NIPBL: variants seen among roughly 807,000 people sequenced by gnomAD.
NIPBL encodes the protein NIPBL cohesin loading factor.
Under a neutral mutation model 321.8 loss-of-function variants are expected in NIPBL, and 19 were observed. The ratio of observed to expected loss-of-function variants is 0.06; its 90% CI spans 0.04 to 0.09. NIPBL has a LOEUF of 0.09. NIPBL is among the 10% of genes least tolerant of loss of function. The probability of loss-of-function intolerance (pLI) is 1.00; values close to 1 mark genes in which losing one functional copy is unlikely to be tolerated. For synonymous variants in NIPBL, 1,106 were observed against 1,114.1 expected (o/e 0.99, Z 0.14); for missense variants, 2,210 against 3,327.0 (o/e 0.66, Z 8.26).
intron 10 of NIPBL, among the ~76,000 whole-genome samples, chr5:36,986,859 T>C (rs948740926): frequency 6.6e-6 from 1 of 152,132 alleles, no homozygotes; most frequent in Non-Finnish European, 1.5e-5. Flanking sequence ...CTTTTTAAAT[T>C]TGGTTAAATT....
Position 37,058,997 on chromosome 5 carries a change from G to C in NIPBL, c.7517G>C (p.Arg2506Pro). Residue 2506 changes from arginine to proline, a missense_variant, in exon 44 of 47, where the codon CGT becomes CCT. Arg to Pro is a moderately radical substitution (Grantham distance 103). Coordinates refer to ENST00000282516, the MANE Select transcript of NIPBL (RefSeq NM_133433.4). ...TCCAGGCCTCGGAAGTCACGGAAAC[G>C]TGTAGATTCAGATTCAGATTCAGAT... ...EVSRPRKSRK[R>P]VDSDSDSDSE... is the part of the protein sequence containing the mutation. 6.2e-7 allele frequency: 1 copy of C among 1,614,184 alleles called. No individual in the cohort carries two copies. Among genetic ancestry groups the C allele is most frequent in the Non-Finnish European group, 8.5e-7 (1 of 1,180,032 alleles).
intron 6 of NIPBL, among the ~76,000 whole-genome samples, chr5:36,967,501 A>G (rs1417270641): frequency 6.6e-6 from 1 of 152,146 alleles, no homozygotes; most frequent in African/African-American, 2.4e-5. Flanking sequence ...AAAAAAGAAA[A>G]ACAGCAACAC....
Position 37,006,463 on chromosome 5 carries a change from C to G in NIPBL, c.3962C>G (p.Pro1321Arg). 6.2e-7 allele frequency: 1 copy of G among 1,612,470 alleles called. No homozygotes were observed. Among genetic ancestry groups the G allele is most frequent in the Non-Finnish European group, 8.5e-7 (1 of 1,178,732 alleles). ...CLTTINIMTS[P>R]NMPKAVYIED... ...ACAACTATCAACATTATGACATCCC[C>G]TAACATGCCAAAAGCTGTGTACATT... The change falls in exon 17 of 47, where the codon CCT (proline) becomes CGT (arginine). Residue 1321 changes from proline (P) to arginine (R), a missense_variant. By Grantham distance (103) the Pro-to-Arg change is moderately radical. This residue lies in a region of NIPBL where 381 missense variants were observed against 642.3 expected (regional missense o/e 0.59). Coordinates refer to ENST00000282516, the MANE Select transcript of NIPBL (RefSeq NM_133433.4).
intron 1 of NIPBL, among the ~76,000 whole-genome samples, chr5:36,931,595 G>T (rs549115542): frequency 1.2e-4 from 18 of 152,108 alleles, no homozygotes; most frequent in Non-Finnish European, 2.1e-4. Flanking sequence ...GGGATTATAG[G>T]CATGAGCCAT....
chr5:36,890,163 A>C, intron 1 of NIPBL, among the ~76,000 whole-genome samples: 1 of 152,288 alleles, frequency 6.6e-6, no homozygotes, highest in Non-Finnish European at 1.5e-5. Flanking sequence ...GATGAACCAT[A>C]ATTTATTCAT....
At chr5:37,031,079 G>A (rs991313453) in intron 32 of NIPBL, among the ~76,000 whole-genome samples, 3 of 152,068 alleles carry the variant, frequency 2.0e-5, no homozygotes, top group African/African-American at 7.2e-5. Context: ...CGCCTCCTGG[G>A]TTCAAGTGAT....
chr5:37,052,709 C>T (rs956072147), intron 42 of NIPBL, 143 bp downstream of exon 42: 45 of 688,120 alleles, frequency 6.5e-5, no homozygotes, highest in Non-Finnish European at 8.8e-5. Flanking sequence ...AAGTTATTTA[C>T]AAAGTACACA....
intron 34 of NIPBL, among the ~76,000 whole-genome samples, chr5:37,043,296 G>A (rs1035623144): frequency 5.9e-5 from 9 of 152,022 alleles, no homozygotes; most frequent in African/African-American, 1.9e-4. Context: ...TTGGGAGGCC[G>A]AGGCAGGTGG....
At chr5:36,983,202 A>AAT (rs1216406178) in intron 9 of NIPBL, among the ~76,000 whole-genome samples, 1 of 151,900 alleles carries the variant, frequency 6.6e-6, no homozygotes, top group Non-Finnish European at 1.5e-5. Context: ...ATCTAATGAT[A>AAT]ATATATTATA....
intron 23 of NIPBL, among the ~76,000 whole-genome samples, chr5:37,016,578 A>C (rs1354821579): frequency 1.3e-5 from 2 of 152,176 alleles, no homozygotes; most frequent in Non-Finnish European, 2.9e-5. Context: ...AATGCAAAGA[A>C]ATGTTGTGAC....
chr5:36,912,224 GAT>G (rs1303599735), intron 1 of NIPBL, among the ~76,000 whole-genome samples: 1 of 152,172 alleles, frequency 6.6e-6, no homozygotes, highest in Non-Finnish European at 1.5e-5. Context: ...AAGTAAGGCA[GAT>G]GGAAGCATCT....
intron 6 of NIPBL, among the ~76,000 whole-genome samples, chr5:36,966,413 T>C (rs907472607): frequency 6.6e-6 from 1 of 152,124 alleles, no homozygotes; most frequent in Non-Finnish European, 1.5e-5. Context: ...CAGTTACACA[T>C]TTTTGGCAAG....
At chr5:37,023,775 T>TAC (rs1554026120) in intron 29 of NIPBL, among the ~76,000 whole-genome samples, 2 of 138,872 alleles carry the variant, frequency 1.4e-5, no homozygotes, top group Non-Finnish European at 3.1e-5. Context: ...TTTTTTTTTT[T>TAC]ACATCCCATA....
rs1019188841 is a variant in NIPBL, at chr5:37,025,446, C to T, written c.5709+727C>T. Among the ~76,000 whole-genome samples the T allele has an allele frequency of 4.6e-5, 7 of 151,696 alleles. No individual in the cohort carries two copies. The Middle Eastern group carries it at 0.01, about 221-fold the overall frequency. On this transcript the variant is annotated intron_variant, in intron 30 of 46. Coordinates refer to ENST00000282516, the MANE Select transcript of NIPBL (RefSeq NM_133433.4). ...AAAATAGCACATATTTTCACTCATG[C>T]GTGGAAGCTTAAAAAAAATTTATCT...
In NIPBL at chr5:37,038,645, C is replaced by T; in HGVS notation, c.6015C>T (p.Cys2005=). Residue 2005 remains cysteine (C), a synonymous_variant, in exon 34 of 47, where the codon TGC becomes TGT. Coordinates refer to ENST00000282516, the MANE Select transcript of NIPBL (RefSeq NM_133433.4). Reference sequence around the variant, plus strand: ...TGAATTCTGGAAGATTGGTAGCTTGCATAACCACTTTGTTCTTATTCAGCA... The same window carrying T: ...TGAATTCTGGAAGATTGGTAGCTTGTATAACCACTTTGTTCTTATTCAGCA... ...KGVNSGRLVA[C]ITTLFLFSKI... 6.2e-7 allele frequency: 1 copy of T among 1,613,794 alleles called. No homozygotes were observed. The highest frequency in any genetic ancestry group is 8.5e-7 in the Non-Finnish European group (1 of 1,179,830).
At chr5:37,042,328 G>A (rs962562373) in intron 34 of NIPBL, among the ~76,000 whole-genome samples, 1 of 151,744 alleles carries the variant, frequency 6.6e-6, no homozygotes, top group African/African-American at 2.4e-5. Flanking sequence ...CCAGCTCCTC[G>A]ACAGGCTAAA....
chr5:37,037,074 A>G (rs1311451364), intron 33 of NIPBL, among the ~76,000 whole-genome samples: 3 of 151,976 alleles, frequency 2.0e-5, no homozygotes, highest in Non-Finnish European at 4.4e-5. Flanking sequence ...ATCAATTATA[A>G]ATAAATGATT....
chr5:37,010,308 GTTCTTTTTTTTTCT>G lies in NIPBL; in HGVS notation c.4560+95_4560+108del. ...TCTCTGTCATTCTTATAAAACTGAA[GTTCTTTTTTTTTCT>G]TTCTTTTTTTTGAGACGGAGTCTCG... On this transcript the variant is annotated intron_variant, in intron 21 of 46. Transcript: ENST00000282516. 2.5e-6 allele frequency: 3 copies of G among 1,216,416 alleles called. No individual in the cohort carries two copies. In the South Asian group the frequency reaches 3.9e-5, roughly 16 times the overall value. The allele number at this position is 1,216,416 out of a possible 1,614,324, so 75.4% of individuals were successfully genotyped here. A position where few individuals can be genotyped will look rare whatever the true frequency, so the allele number is the denominator to read the frequency against.
chr5:37,026,009 C>A (rs1750224507), intron 30 of NIPBL, among the ~76,000 whole-genome samples: 1 of 151,782 alleles, frequency 6.6e-6, no homozygotes, highest in South Asian at 2.1e-4. Flanking sequence ...ATAGTATCAC[C>A]CATTCGTATT....
Sources: gnomAD v4.1 joint callset for allele counts (sites outside exome capture counted in the v4.1 genomes callset) on GRCh38, gnomAD v4.1.1 for gene constraint, gnomAD v4.1.1 regional missense constraint, MANE v1.5 for transcripts, NCBI Gene and HGNC (gene_info 2026-07-23, HGNC 2026-07-21) for gene names.